SMYD3: variants seen among roughly 807,000 people sequenced by gnomAD.
The protein encoded by SMYD3 is histone-lysine N-methyltransferase SMYD3.
SMYD3 carries 36 observed loss-of-function variants against 57.7 expected under a neutral mutation model. The ratio of observed to expected loss-of-function variants is 0.62; its 90% CI spans 0.48 to 0.82. The LOEUF is 0.82. Ranked by LOEUF, SMYD3 falls within the 40% of genes least tolerant of loss-of-function variation. The probability of loss-of-function intolerance (pLI) is 0.00; values close to 1 mark genes in which losing one functional copy is unlikely to be tolerated. For missense variants in SMYD3, 515 were observed against 538.8 expected (o/e 0.96, Z 0.44); for synonymous variants, 211 against 195.0 (o/e 1.08, Z -0.68).
At chr1:246,290,339 T>G (rs1469306784) in intron 5 of SMYD3, among the ~76,000 whole-genome samples, 2 of 152,196 alleles carry the variant, frequency 1.3e-5, no homozygotes, top group African/African-American at 4.8e-5. Flanking sequence ...TCAGTTACTG[T>G]TCTCATTTCA....
intron 1 of SMYD3, among the ~76,000 whole-genome samples, chr1:246,432,640 G>A (rs2067314022): frequency 6.6e-6 from 1 of 152,184 alleles, no homozygotes; most frequent in Admixed American, 6.5e-5. Context: ...GTAACAGACT[G>A]TAAGACTCCA....
intron 5 of SMYD3, among the ~76,000 whole-genome samples, chr1:246,269,113 C>T (rs1414893570): frequency 6.6e-6 from 1 of 152,160 alleles, no homozygotes; most frequent in Admixed American, 6.5e-5. Context: ...TGTAATCCCA[C>T]CATACCATCT....
At chr1:245,774,031 G>A (rs537185892) in intron 10 of SMYD3, among the ~76,000 whole-genome samples, 1 of 152,204 alleles carries the variant, frequency 6.6e-6, no homozygotes, top group East Asian at 1.9e-4. Context: ...TAGCTATACC[G>A]ATTCAATGGG....
intron 5 of SMYD3, among the ~76,000 whole-genome samples, chr1:246,295,561 G>C (rs1235466026): frequency 6.6e-6 from 1 of 152,134 alleles, no homozygotes; most frequent in Non-Finnish European, 1.5e-5. Flanking sequence ...TTGCAATCAA[G>C]ATGCTGGTGG....
chr1:245,778,392 T>TC (rs35258243), intron 10 of SMYD3, among the ~76,000 whole-genome samples: 2 of 152,254 alleles, frequency 1.3e-5, no homozygotes. Flanking sequence ...ATTTTTTTTT[T>TC]CCCAAAGGCA....
intron 5 of SMYD3, among the ~76,000 whole-genome samples, chr1:246,207,694 A>G (rs933872293): frequency 2.0e-5 from 3 of 152,182 alleles, no homozygotes; most frequent in African/African-American, 7.2e-5. Context: ...AATTATAACA[A>G]CGATGGGATA....
rs536842938 is a variant in SMYD3 at position 245,793,097 on chromosome 1, C to G, written c.1077-28948G>C. Among the ~76,000 whole-genome samples, 316 of 77,386 alleles carry G rather than the reference C, an allele frequency of 4.1e-3. 1 individual carries two copies. Among genetic ancestry groups the G allele is most frequent in the Middle Eastern group, 8.5e-3 (1 of 118 alleles). The allele number at this position is 77,386 out of a possible 152,430, so 50.8% of individuals were successfully genotyped here. On this transcript the variant is annotated intron_variant, in intron 10 of 11. Transcript: ENST00000490107. ...AGGCCGAGGCGGGTGATCACGAAAT[C>G]AGGAGATCAAGACCATCCTGGCTAA...
At chr1:246,319,485 A>C (rs2065213712) in intron 5 of SMYD3, among the ~76,000 whole-genome samples, 1 of 152,208 alleles carries the variant, frequency 6.6e-6, no homozygotes, top group African/African-American at 2.4e-5. Context: ...AAGTTATCAT[A>C]CTGCCATTTC....
intron 10 of SMYD3, among the ~76,000 whole-genome samples, chr1:245,780,224 C>T (rs191688514): frequency 2.5e-4 from 38 of 152,164 alleles, no homozygotes; most frequent in East Asian, 9.6e-4. Context: ...AACATGTATA[C>T]GAATGTTTAT....
chr1:246,032,761 G>A (rs1470493931), intron 5 of SMYD3, among the ~76,000 whole-genome samples: 1 of 152,154 alleles, frequency 6.6e-6, no homozygotes, highest in Non-Finnish European at 1.5e-5. Flanking sequence ...AGAACCGTTA[G>A]TTTCCATTCC....
chr1:245,938,688 G>A (rs1396802421), intron 5 of SMYD3, among the ~76,000 whole-genome samples: 16 of 152,092 alleles, frequency 1.1e-4, no homozygotes, highest in African/African-American at 3.9e-4. Flanking sequence ...AAATCAGACT[G>A]GTGGGATTTC....
intron 5 of SMYD3, among the ~76,000 whole-genome samples, chr1:246,049,382 T>G (rs12145065): frequency 1.3e-5 from 2 of 151,632 alleles, no homozygotes; most frequent in Non-Finnish European, 2.9e-5. Flanking sequence ...CTGCAAGCTC[T>G]GCCTCCCGGG....
intron 1 of SMYD3, among the ~76,000 whole-genome samples, chr1:246,362,999 T>C (rs1416539071): frequency 3.0e-5 from 4 of 134,460 alleles, no homozygotes; most frequent in South Asian, 2.6e-4. Flanking sequence ...CCAGCCGCCA[T>C]CCCATCTAGG....
At chr1:246,310,909 C>T (rs2065066157) in intron 5 of SMYD3, among the ~76,000 whole-genome samples, 1 of 151,858 alleles carries the variant, frequency 6.6e-6, no homozygotes. Flanking sequence ...ACCTCGTGAT[C>T]CACCCACCTC....
intron 8 of SMYD3, among the ~76,000 whole-genome samples, chr1:245,875,204 A>C (rs1382020890): frequency 6.6e-6 from 1 of 152,158 alleles, no homozygotes; most frequent in African/African-American, 2.4e-5. Context: ...CCCTGCCTCC[A>C]CCTCCATTCT....
chr1:245,909,007 C>CA (rs1388995687), intron 8 of SMYD3, among the ~76,000 whole-genome samples: 5 of 150,930 alleles, frequency 3.3e-5, no homozygotes, highest in African/African-American at 1.2e-4. Context: ...CAATACAATA[C>CA]AAAAGATCAA....
chr1:246,352,371 T>C (rs1310459626), intron 2 of SMYD3, among the ~76,000 whole-genome samples: 2 of 152,210 alleles, frequency 1.3e-5, no homozygotes, highest in Admixed American at 6.5e-5. Flanking sequence ...ATCCTCTGTT[T>C]CAATTTCCAT....
At chr1:246,235,031 A>T (rs909908770) in intron 5 of SMYD3, among the ~76,000 whole-genome samples, 5 of 152,216 alleles carry the variant, frequency 3.3e-5, no homozygotes, top group Non-Finnish European at 5.9e-5. Context: ...TACAACATGG[A>T]ATCACGTTTT....
At chr1:246,341,489 A>T (rs1240109831) in intron 2 of SMYD3, among the ~76,000 whole-genome samples, 1 of 152,206 alleles carries the variant, frequency 6.6e-6, no homozygotes, top group Non-Finnish European at 1.5e-5. Flanking sequence ...TGTTCAATAC[A>T]TATTTTATGA....
Sources: allele counts gnomAD v4.1 joint callset (sites outside exome capture counted in the v4.1 genomes callset), GRCh38; gene constraint gnomAD v4.1.1; transcripts MANE v1.5; gene names NCBI Gene and HGNC (gene_info 2026-07-23, HGNC 2026-07-21).